Variants in ZMYM1 observed in about 807,000 individuals in gnomAD.
ZMYM1 encodes zinc finger MYM-type protein 1.
ZMYM1 carries 39 observed loss-of-function variants against 60.0 expected under a neutral mutation model. The ratio of observed to expected loss-of-function variants is 0.65; its 90% CI spans 0.50 to 0.85. The LOEUF is 0.85. Ranked by LOEUF, ZMYM1 falls within the 40% of genes least tolerant of loss-of-function variation. The pLI, the probability that ZMYM1 is intolerant of heterozygous loss-of-function variation, is 0.00. For synonymous variants in ZMYM1, 413 were observed against 454.0 expected (o/e 0.91, Z 1.15); for missense variants, 1,171 against 1,309.5 (o/e 0.89, Z 1.63).
chr1:35,087,419 A>G (rs544536086), intron 1 of ZMYM1, among the ~76,000 whole-genome samples: 1 of 120,380 alleles, frequency 8.3e-6, no homozygotes, highest in East Asian at 2.4e-4. Flanking sequence ...TAACTCTTGA[A>G]ACTTGCATTT....
rs1644231978 is a variant in ZMYM1, at chr1:35,115,290, TTGTATTTCCATTGGGA to T, written c.*35_*50del. The T allele has an allele frequency of 6.6e-7, 1 of 1,508,294 alleles. No individual in the cohort carries two copies. The highest frequency in any genetic ancestry group is 1.4e-5 in the African/African-American group (1 of 71,166). 93.4% of individuals were successfully genotyped at this position (1,508,294 alleles called of 1,614,324 possible). On this transcript the variant is annotated 3_prime_UTR_variant, in exon 10 of 10. Transcript: ENST00000359858. ...GCTCATTTGAACTTACCTAAAAGAC[TTGTATTTCCATTGGGA>T]TGTTTTCATTTCAAAATTGTTCAAA... is the stretch of plus-strand genomic sequence containing the variant.
chr1:35,084,888 C>G (rs887517387), intron 1 of ZMYM1, among the ~76,000 whole-genome samples: 2 of 151,958 alleles, frequency 1.3e-5, no homozygotes, highest in African/African-American at 2.4e-5. Flanking sequence ...GTACTTCTAA[C>G]TGTCTCCTGC....
At chr1:35,073,242 C>G in intron 1 of ZMYM1, among the ~76,000 whole-genome samples, 1 of 70,320 alleles carries the variant, frequency 1.4e-5, no homozygotes, top group South Asian at 7.3e-4. Flanking sequence ...AACAGAGCAA[C>G]ACTCTGTCAA....
intron 1 of ZMYM1, among the ~76,000 whole-genome samples, chr1:35,086,838 C>T (rs955044801): frequency 3.3e-5 from 5 of 151,920 alleles, no homozygotes; most frequent in African/African-American, 7.2e-5. Flanking sequence ...CCCACCACCA[C>T]GCTTGGCTAA....
chr1:35,113,948 T>A lies in ZMYM1; in HGVS notation c.2118T>A (p.Val706=). Residue 706 remains valine (V), a synonymous_variant, in exon 10 of 10, where the codon GTT becomes GTA. Coordinates refer to ENST00000359858, the MANE Select transcript of ZMYM1 (RefSeq NM_024772.5). The stretch of plus-strand genomic sequence containing the variant: ...AAACTTATCTGCAGCAAATTGGAGT[T>A]GATATGGATAAAATACATGGCCAGG... ...TIKTYLQQIG[V]DMDKIHGQAY... is the part of the protein sequence containing the mutation. The A allele has an allele frequency of 4.3e-6, 7 of 1,613,896 alleles. No homozygotes were observed. Among genetic ancestry groups the A allele is most frequent in the Non-Finnish European group, 5.9e-6 (7 of 1,179,888 alleles).
chr1:35,101,109 CT>C (rs34048407), intron 4 of ZMYM1, among the ~76,000 whole-genome samples: 70 of 129,062 alleles, frequency 5.4e-4, no homozygotes, highest in Admixed American at 8.2e-4. Context: ...AGCCAACATT[CT>C]TTTTTTTTTT....
Position 35,113,399 on chromosome 1 carries a change from G to T in ZMYM1, c.1569G>T (p.Leu523Phe). The change falls in exon 10 of 10, where the codon TTG (leucine) becomes TTT (phenylalanine). Residue 523 changes from leucine (L) to phenylalanine (F), a missense_variant. Leu to Phe is a conservative substitution (Grantham distance 22). Transcript: ENST00000359858. ...HEKSEMHLKSLEFWREYQFCD... is the reference protein window; with the variant it reads ...HEKSEMHLKSFEFWREYQFCD... ...AAAGTGAAATGCATTTGAAGTCATT[G>T]GAATTTTGGAGAGAATACCAATTTT... The T allele has an allele frequency of 6.2e-7, 1 of 1,613,740 alleles. No individual in the cohort carries two copies. The highest frequency in any genetic ancestry group is 1.1e-5 in the South Asian group (1 of 91,040).
rs1644207080 is a variant in ZMYM1 at position 35,114,633 on chromosome 1, C to G, written c.2803C>G (p.Leu935Val). 6.2e-6 allele frequency: 10 copies of G among 1,603,866 alleles called. No individual in the cohort carries two copies. Among genetic ancestry groups the G allele is most frequent in the African/African-American group, 1.3e-5 (1 of 74,270 alleles). The change falls in exon 10 of 10, where the codon CTT (leucine) becomes GTT (valine). Residue 935 changes from leucine (L) to valine (V), a missense_variant. Transcript: ENST00000359858. ...CKGFKVEKPS[L>V]QKRRKIQKSV... ...AGGTTTTAAAGTTGAAAAACCTTCT[C>G]TTCAGAAAAGAAGAAAAATTCAGAA...
downstream of ZMYM1, among the ~76,000 whole-genome samples, chr1:35,117,341 G>A (rs951937111): frequency 1.3e-5 from 2 of 151,626 alleles, no homozygotes; most frequent in Non-Finnish European, 2.9e-5. Flanking sequence ...TTTTTAAGAC[G>A]GAGTCTCGCT....
At chr1:35,098,422 C>A (rs573942421) in intron 4 of ZMYM1, among the ~76,000 whole-genome samples, 1 of 152,134 alleles carries the variant, frequency 6.6e-6, no homozygotes, top group Non-Finnish European at 1.5e-5. Flanking sequence ...TTTAAATGTT[C>A]TTGTTCAGAA....
At chr1:35,090,918 C>T (rs1396456933) in intron 1 of ZMYM1, among the ~76,000 whole-genome samples, 12 of 151,836 alleles carry the variant, frequency 7.9e-5, no homozygotes. Flanking sequence ...TGCACTCCAT[C>T]CTGGGCAACG....
intron 8 of ZMYM1, 85 bp from the exon 9 acceptor site, chr1:35,112,002 T>C: frequency 6.4e-7 from 1 of 1,550,510 alleles, no homozygotes; most frequent in African/African-American, 1.4e-5. Context: ...TTTTGTTTCT[T>C]ATATGAAATA....
At chr1:35,100,232 T>C (rs1361532320) in intron 4 of ZMYM1, among the ~76,000 whole-genome samples, 2 of 152,094 alleles carry the variant, frequency 1.3e-5, no homozygotes, top group Admixed American at 1.3e-4. Context: ...ATAGGAATGA[T>C]TTAATATCTG....
At chr1:35,072,561 G>A (rs1417006870) in intron 1 of ZMYM1, among the ~76,000 whole-genome samples, 1 of 151,194 alleles carries the variant, frequency 6.6e-6, no homozygotes, top group African/African-American at 2.4e-5. Flanking sequence ...TCTGCTCTGA[G>A]CTTTATTATT....
chr1:35,084,180 CTTT>C (rs934685708), intron 1 of ZMYM1, among the ~76,000 whole-genome samples: 17 of 142,590 alleles, frequency 1.2e-4, no homozygotes, highest in Admixed American at 1.4e-4. Flanking sequence ...TTCCATTTAA[CTTT>C]TTTTTTTTTT....
At chr1:35,112,281 G>A (rs933018966) in intron 9 of ZMYM1, 151 bp downstream of exon 9, 15 of 686,280 alleles carry the variant, frequency 2.2e-5, no homozygotes, top group Middle Eastern at 3.6e-4. Context: ...GGGTTCAAGC[G>A]ATTCTCCTGC....
At chr1:35,072,335 T>C (rs1394174003) in intron 1 of ZMYM1, among the ~76,000 whole-genome samples, 1 of 152,216 alleles carries the variant, frequency 6.6e-6, no homozygotes, top group Non-Finnish European at 1.5e-5. Flanking sequence ...CTAAAGTTTA[T>C]TGGCATATAG....
intron 1 of ZMYM1, among the ~76,000 whole-genome samples, chr1:35,080,097 T>TTA (rs1642294607): frequency 4.5e-5 from 2 of 44,018 alleles, no homozygotes; most frequent in Admixed American, 1.7e-4. Flanking sequence ...AGACCCCGTC[T>TTA]CAAAAAAAAA....
At chr1:35,118,052 A>G (rs1210939107), downstream of ZMYM1, among the ~76,000 whole-genome samples, 1 of 151,998 alleles carries the variant, frequency 6.6e-6, no homozygotes, top group Admixed American at 6.6e-5. Flanking sequence ...AGCCTGGCCA[A>G]CATGGTGAAA....
Sources: allele counts gnomAD v4.1 joint callset (sites outside exome capture counted in the v4.1 genomes callset), GRCh38; gene constraint gnomAD v4.1.1; transcripts MANE v1.5; gene names NCBI Gene and HGNC (gene_info 2026-07-23, HGNC 2026-07-21).